LY6S: variants seen among roughly 807,000 people sequenced by gnomAD.
The protein encoded by LY6S is lymphocyte antigen 6S.
the LY6S span, chr8:143,053,929 C>G: frequency 6.6e-6 from 1 of 152,198 alleles, no homozygotes; most frequent in African/African-American, 2.4e-5. Flanking sequence ...CGTCTGGTTT[C>G]TGCTGGGCTG....
chr8:143,042,786 G>A, the LY6S span, among the ~76,000 whole-genome samples: 1 of 152,158 alleles, frequency 6.6e-6, no homozygotes, highest in East Asian at 1.9e-4. Context: ...ATGGAGCTGG[G>A]GACTCCCGCC....
At chr8:143,070,443 A>ATT in the LY6S span, among the ~76,000 whole-genome samples, 2 of 71,570 alleles carry the variant, frequency 2.8e-5, no homozygotes, top group Non-Finnish European at 2.3e-5. Context: ...TTATATATAT[A>ATT]TTGTATATAT....
the LY6S span, chr8:143,044,597 G>C: frequency 1.6e-6 from 2 of 1,264,250 alleles, no homozygotes; most frequent in Admixed American, 4.6e-5. Flanking sequence ...GGGCTTGTAG[G>C]GGGACCTTGG....
At chr8:143,064,510 G>T in the LY6S span, among the ~76,000 whole-genome samples, 55 of 152,186 alleles carry the variant, frequency 3.6e-4, no homozygotes, top group Admixed American at 2.2e-3. Context: ...CCAGTTTTTC[G>T]ATTGCAAGCT....
the LY6S span, among the ~76,000 whole-genome samples, chr8:143,048,446 G>A: frequency 1.3e-5 from 2 of 150,916 alleles, no homozygotes; most frequent in African/African-American, 4.9e-5. Context: ...TTGTCTGATC[G>A]GGTTTTCTGT....
the LY6S span, among the ~76,000 whole-genome samples, chr8:143,065,231 G>A: frequency 1.3e-5 from 2 of 152,152 alleles, no homozygotes; most frequent in Non-Finnish European, 2.9e-5. Context: ...TACTCTGGGG[G>A]TGACATTCCC....
the LY6S span, chr8:143,057,847 C>G: frequency 1.1e-5 from 8 of 730,926 alleles, no homozygotes; most frequent in South Asian, 5.6e-5. Context: ...TGCAGCTGGC[C>G]TGACTGGGGG....
the LY6S span, chr8:143,066,486 CT>C: frequency 4.0e-6 from 1 of 249,650 alleles, no homozygotes. Context: ...TCTTAATGGC[CT>C]TGTCCTTGGC....
At chr8:143,041,489 T>C in the LY6S span, among the ~76,000 whole-genome samples, 1 of 152,212 alleles carries the variant, frequency 6.6e-6, no homozygotes, top group Non-Finnish European at 1.5e-5. Context: ...TTTCATATTG[T>C]TCAAACACAC....
the LY6S span, among the ~76,000 whole-genome samples, chr8:143,061,785 G>A: frequency 6.6e-6 from 1 of 152,154 alleles, no homozygotes; most frequent in African/African-American, 2.4e-5. Flanking sequence ...CTCAGGTGAT[G>A]TGCCCACCTT....
the LY6S span, chr8:143,057,526 G>C: frequency 1.2e-6 from 1 of 839,842 alleles, no homozygotes. Context: ...GGGATTACAG[G>C]CGTGAGCCAC....
chr8:143,051,487 C>T, the LY6S span, among the ~76,000 whole-genome samples: 14 of 147,848 alleles, frequency 9.5e-5, no homozygotes, highest in Non-Finnish European at 1.5e-5. Flanking sequence ...GTTGCAGCGA[C>T]CCAAGATCGC....
chr8:143,043,579 G>A, the LY6S span, among the ~76,000 whole-genome samples: 4 of 152,238 alleles, frequency 2.6e-5, no homozygotes, highest in Admixed American at 2.0e-4. Context: ...ACCCTGCCCC[G>A]GCCTTGGGAC....
chr8:143,042,881 GTGT>G, the LY6S span: 2 of 597,814 alleles, frequency 3.3e-6, no homozygotes, highest in South Asian at 1.6e-5. Context: ...GAAAAAAGTG[GTGT>G]TGTTGGGGGG....
At chr8:143,053,624 T>C in the LY6S span, 1 of 152,182 alleles carries the variant, frequency 6.6e-6, no homozygotes, top group Non-Finnish European at 1.5e-5. Context: ...AAGTTCCCCC[T>C]CTTAACGATC....
chr8:143,042,789 C>G, the LY6S span, among the ~76,000 whole-genome samples: 1 of 152,136 alleles, frequency 6.6e-6, no homozygotes, highest in Non-Finnish European at 1.5e-5. Flanking sequence ...GAGCTGGGGA[C>G]TCCCGCCCTG....
the LY6S span, among the ~76,000 whole-genome samples, chr8:143,062,084 A>C: frequency 4.6e-5 from 7 of 152,350 alleles, no homozygotes; most frequent in South Asian, 2.1e-4. Context: ...GAAAGAAATA[A>C]ATGCAATATG....
chr8:143,065,775 T>TTCTTTCTTTC, the LY6S span: 1 of 41,322 alleles, frequency 2.4e-5, no homozygotes, highest in Non-Finnish European at 4.2e-5. Flanking sequence ...TCTTTTCTCT[T>TTCTTTCTTTC]TCTTTCTTTT....
At chr8:143,047,673 T>C in the LY6S span, 1 of 152,222 alleles carries the variant, frequency 6.6e-6, no homozygotes, top group South Asian at 2.1e-4. Context: ...TTGCTCATTA[T>C]AATAGAAAAC....
Sources: gnomAD v4.1 joint callset for allele counts (sites outside exome capture counted in the v4.1 genomes callset) on GRCh38, gnomAD v4.1.1 for gene constraint, MANE v1.5 for transcripts, NCBI Gene and HGNC (gene_info 2026-07-23, HGNC 2026-07-21) for gene names.